The following ANKRD34B variants were observed in gnomAD, a reference collection of about 807,000 sequenced individuals.
ANKRD34B encodes the protein ankyrin repeat domain 34B.
ANKRD34B carries 2 observed loss-of-function variants against 4.4 expected under a neutral mutation model. The observed-to-expected ratio is 0.46, with a 90% CI of 0.19 to 1.44. The LOEUF is 1.44. Ranked by LOEUF, ANKRD34B falls within the 40% of genes most tolerant of loss-of-function variation. The pLI, the probability that ANKRD34B is intolerant of heterozygous loss-of-function variation, is 0.26. For synonymous variants in ANKRD34B, 226 were observed against 227.1 expected, an observed-to-expected ratio of 0.99 and a Z score of 0.05; for missense variants, 558 against 604.7, an observed-to-expected ratio of 0.92 and a Z score of 0.81.
chr5:80,563,086 C>G (rs1259425582), intron 4 of ANKRD34B, among the ~76,000 whole-genome samples: 2 of 152,184 alleles, frequency 1.3e-5, no homozygotes, highest in South Asian at 4.1e-4. Flanking sequence ...TAATTTTGTA[C>G]CTGCTACTAA....
chr5:80,569,883 C>A (rs1746704676), intron 1 of ANKRD34B, among the ~76,000 whole-genome samples: 1 of 152,184 alleles, frequency 6.6e-6, no homozygotes, highest in Admixed American at 6.5e-5. Context: ...TGGAGCGCGC[C>A]CCGGGGTGGC....
At chr5:80,564,862 C>T (rs548948996) in intron 3 of ANKRD34B, among the ~76,000 whole-genome samples, 285 of 152,212 alleles carry the variant, frequency 1.9e-3, no homozygotes, top group African/African-American at 6.6e-3. Flanking sequence ...TGTGCCACCA[C>T]ACCCAGCTAA....
Position 80,558,713 on chromosome 5 carries a change from G to A in ANKRD34B, c.1307C>T (p.Pro436Leu). 6.2e-7 allele frequency: 1 copy of A among 1,614,140 alleles called. No homozygotes were observed. The highest frequency in any genetic ancestry group is 1.1e-5 in the South Asian group (1 of 91,070). Residue 436 changes from proline to leucine, a missense_variant, in exon 5 of 5, where the codon CCT becomes CTT. By Grantham distance (98) the Pro-to-Leu change is moderately conservative (BLOSUM62 -3). Transcript: ENST00000338682. ...VLERRGSGAFPLDHSVTQTRQ... is the reference protein window; with the variant it reads ...VLERRGSGAFLLDHSVTQTRQ... ...GGTTTGGGTAACACTGTGATCTAAA[G>A]GGAAAGCTCCTGAACCTCGCCTTTC... is the stretch of plus-strand genomic sequence containing the variant.
At position 80,558,204 on chromosome 5, in the gene ANKRD34B, T is replaced by C. The variant is rs947832624; in HGVS notation, c.*271A>G. The C allele has an allele frequency of 1.4e-5, 3 of 212,676 alleles. No homozygotes were observed. Among genetic ancestry groups the C allele is most frequent in the African/African-American group, 4.6e-5 (2 of 43,878 alleles). The allele number at this position is 212,676 out of a possible 1,614,324, so 13.2% of individuals were successfully genotyped here. ...CCTTCTTTCTTTGATTTTTTTTTAATGACAAATTTGGACTACATGGAGATT... is the reference window on the plus strand; with the variant it reads ...CCTTCTTTCTTTGATTTTTTTTTAACGACAAATTTGGACTACATGGAGATT... On this transcript the variant is annotated 3_prime_UTR_variant, in exon 5 of 5. Coordinates refer to ENST00000338682, the MANE Select transcript of ANKRD34B (RefSeq NM_001004441.3).
Position 80,559,716 on chromosome 5 carries a change from A to G in ANKRD34B, c.304T>C (p.Ser102Pro). The G allele has an allele frequency of 6.2e-7, 1 of 1,614,226 alleles. No individual in the cohort carries two copies. Residue 102 changes from serine to proline, a missense_variant, in exon 5 of 5, where the codon TCC becomes CCC. Ser to Pro is a moderately conservative substitution (Grantham distance 74). Transcript: ENST00000338682. ...CLEKAGPEVV[S>P]LLLKSGADLS... ...TCAGCCCCACTCTTGAGGAGCAAGG[A>G]AACAACTTCAGGGCCAGCTTTTTCT...
In ANKRD34B at chr5:80,556,790, A is replaced by G. The variant is rs981908288; in HGVS notation, c.*1685T>C. 1 of 152,644 alleles carries G rather than the reference A, an allele frequency of 6.6e-6. No homozygotes were observed. Among genetic ancestry groups the G allele is most frequent in the African/African-American group, 2.4e-5 (1 of 41,464 alleles). The allele number at this position is 152,644 out of a possible 1,614,324, so 9.5% of individuals were successfully genotyped here. A position where few individuals can be genotyped will look rare whatever the true frequency, so the allele number is the denominator to read the frequency against. ...AATCTTTATTGATACCATTTTGTTT[A>G]TGAACTAATCTATTTACATACCCTT... On this transcript the variant is annotated 3_prime_UTR_variant, in exon 5 of 5. Transcript: ENST00000338682.
Position 80,558,472 on chromosome 5 carries a change from C to G in ANKRD34B, c.*3G>C, listed in dbSNP as rs1216527896. On this transcript the variant is annotated 3_prime_UTR_variant, in exon 5 of 5. Transcript: ENST00000338682. ...TGAAGAAGATGTGTTTTATACCCAT[C>G]TCCTAGAAGTTTACTAATTGCTTAA... is the stretch of plus-strand genomic sequence containing the variant. The G allele has an allele frequency of 9.5e-6, 15 of 1,579,456 alleles. No homozygotes were observed. The African/African-American group carries it at 1.9e-4, about 20-fold the overall frequency.
At chr5:80,562,428 G>C (rs1455547701) in intron 4 of ANKRD34B, among the ~76,000 whole-genome samples, 1 of 152,112 alleles carries the variant, frequency 6.6e-6, no homozygotes, top group Non-Finnish European at 1.5e-5. Flanking sequence ...CTCAGGAAAT[G>C]ATGAAACAGA....
rs1174634074 is a variant in ANKRD34B at position 80,557,568 on chromosome 5, G to C, written c.*907C>G. 1 of 148,126 alleles carries C rather than the reference G, an allele frequency of 6.8e-6. No homozygotes were observed. Among genetic ancestry groups the C allele is most frequent in the African/African-American group, 2.5e-5 (1 of 40,102 alleles). The allele number at this position is 148,126 out of a possible 1,614,324, so 9.2% of individuals were successfully genotyped here. On this transcript the variant is annotated 3_prime_UTR_variant, in exon 5 of 5. Coordinates refer to ENST00000338682, the MANE Select transcript of ANKRD34B (RefSeq NM_001004441.3). ...GAATTTTTTTTTTTTGGTTCTTTTT[G>C]AAAGACAAGAATAATTTGATATAAG...
At chr5:80,563,961 A>G (rs1412541351) in intron 3 of ANKRD34B, 146 bp from the exon 4 acceptor site, 2 of 152,230 alleles carry the variant, frequency 1.3e-5, no homozygotes, top group Non-Finnish European at 2.9e-5. Context: ...AGTAATTGCA[A>G]TTCAATTGCT....
At chr5:80,566,348 C>T (rs576818843) in intron 3 of ANKRD34B, among the ~76,000 whole-genome samples, 12 of 152,252 alleles carry the variant, frequency 7.9e-5, no homozygotes, top group Non-Finnish European at 1.5e-4. Flanking sequence ...GTGAACAGAA[C>T]GACTGGACCC....
chr5:80,559,178 G>A lies in ANKRD34B; in HGVS notation c.842C>T (p.Thr281Ile), dbSNP rs1427882176. 3.4e-5 allele frequency: 55 copies of A among 1,614,054 alleles called. No homozygotes were observed. The highest frequency in any genetic ancestry group is 4.4e-5 in the Non-Finnish European group (52 of 1,180,042). ...CCGCTTGGAAAGTGCCAGCCCATTG[G>A]TTTTATAGGATAGTTCTTCCTCTGG... is the stretch of plus-strand genomic sequence containing the variant. Reference protein sequence around the residue: ...ITPEEELSYKTNGLALSKRFI... With the variant: ...ITPEEELSYKINGLALSKRFI... Residue 281 changes from threonine (T) to isoleucine (I), a missense_variant, in exon 5 of 5, where the codon ACC (threonine) becomes ATC (isoleucine). Thr to Ile is a moderately conservative substitution (Grantham distance 89). Transcript: ENST00000338682.
intron 1 of ANKRD34B, among the ~76,000 whole-genome samples, 164 bp from the exon 2 acceptor site, chr5:80,569,271 G>GCTTC (rs958575909): frequency 3.9e-5 from 6 of 152,194 alleles, no homozygotes; most frequent in Non-Finnish European, 5.9e-5. Flanking sequence ...CCGCTGCGGA[G>GCTTC]CGGTCCCTGC....
chr5:80,558,429 TTC>T lies in ANKRD34B; in HGVS notation c.*44_*45del. The stretch of plus-strand genomic sequence containing the variant: ...TAAGATTTCTTCTCTAGTTCTTTGT[TTC>T]TCTGATATAAACATTTGAAGAAGAT... On this transcript the variant is annotated 3_prime_UTR_variant, in exon 5 of 5. Transcript: ENST00000338682. 1 of 1,388,992 alleles carries T rather than the reference TTC, an allele frequency of 7.2e-7. No homozygotes were observed. The highest frequency in any genetic ancestry group is 9.9e-7 in the Non-Finnish European group (1 of 1,012,410). The allele number at this position is 1,388,992 out of a possible 1,614,324, so 86.0% of individuals were successfully genotyped here. A position where few individuals can be genotyped will look rare whatever the true frequency, so the allele number is the denominator to read the frequency against.
chr5:80,561,728 T>C (rs1348273468), intron 4 of ANKRD34B, among the ~76,000 whole-genome samples: 1 of 152,130 alleles, frequency 6.6e-6, no homozygotes, highest in Non-Finnish European at 1.5e-5. Flanking sequence ...TTGAAGACTT[T>C]GTAAGAATCT....
chr5:80,567,981 G>A (rs916790898), intron 2 of ANKRD34B, among the ~76,000 whole-genome samples: 1 of 152,194 alleles, frequency 6.6e-6, no homozygotes, highest in Non-Finnish European at 1.5e-5. Flanking sequence ...GTAGATGATT[G>A]TGAGGATTTT....
chr5:80,558,610 G>C lies in ANKRD34B; in HGVS notation c.1410C>G (p.Cys470Trp). ...ISDINVNNKI[C>W]SLLSCGQKVL... ...CTTTTTGACCACAAGAAAGAAGGCT[G>C]CAAATCTTGTTGTTGACATTGATAT... Residue 470 changes from cysteine (C) to tryptophan (W), a missense_variant, in exon 5 of 5, where the codon TGC (cysteine) becomes TGG (tryptophan). Transcript: ENST00000338682. 2 of 1,614,066 alleles carry C rather than the reference G, an allele frequency of 1.2e-6. No individual in the cohort carries two copies. Among genetic ancestry groups the C allele is most frequent in the Non-Finnish European group, 1.7e-6 (2 of 1,179,914 alleles).
intron 1 of ANKRD34B, among the ~76,000 whole-genome samples, chr5:80,569,578 AGACGCGCCCAAGTCAGCCCCTCC>A: frequency 2.7e-4 from 2 of 7,452 alleles, no homozygotes; most frequent in East Asian, 0.1. Context: ...GCACCTGCGG[AGACGCGCCCAAGTCAGCCCCTCC>A]GGAGACGCGC....
intron 4 of ANKRD34B, among the ~76,000 whole-genome samples, chr5:80,562,052 C>CGTGTGTGTGTGTGTGT (rs56934964): frequency 1.8e-4 from 23 of 128,332 alleles, no homozygotes; most frequent in East Asian, 5.4e-4. Context: ...ACTGACTCAG[C>CGTGTGTGTGTGTGTGT]GTGTGTGTGT....
Sources: gnomAD v4.1 joint callset for allele counts (sites outside exome capture counted in the v4.1 genomes callset) on GRCh38, gnomAD v4.1.1 for gene constraint, MANE v1.5 for transcripts, NCBI Gene and HGNC (gene_info 2026-07-23, HGNC 2026-07-21) for gene names.